VPS54: variants seen among roughly 807,000 people sequenced by gnomAD.
VPS54 encodes the protein vacuolar protein sorting-associated protein 54.
Under a neutral mutation model 121.5 loss-of-function variants are expected in VPS54, and 45 were observed. That is an observed-to-expected ratio of 0.37 (90% CI 0.29 to 0.47). VPS54 has a LOEUF of 0.47. VPS54 is among the 20% of genes least tolerant of loss of function. The probability of loss-of-function intolerance (pLI) is 0.99; values close to 1 mark genes in which losing one functional copy is unlikely to be tolerated. For synonymous variants in VPS54, 371 were observed against 385.8 expected (o/e 0.96, Z 0.45); for missense variants, 1,090 against 1,131.4 (o/e 0.96, Z 0.52).
rs1553480347 is a variant in VPS54, at chr2:63,970,212, T to TATAC, written c.458-1222_458-1221insGTAT. On this transcript the variant is annotated intron_variant, in intron 4 of 22. Transcript: ENST00000272322. Reference sequence around the variant, plus strand: ...TTCCCATTAAAAAAAAATATATATATACACACACACACACACACACACACA... The same window carrying TATAC: ...TTCCCATTAAAAAAAAATATATATATATACACACACACACACACACACACACACA... Among the ~76,000 whole-genome samples, 49 of 113,692 alleles carry TATAC rather than the reference T, an allele frequency of 4.3e-4. 2 individuals carry two copies. Among genetic ancestry groups the TATAC allele is most frequent in the African/African-American group, 9.1e-4 (29 of 32,026 alleles). The allele number at this position is 113,692 out of a possible 152,430, so 74.6% of individuals were successfully genotyped here. A position where few individuals can be genotyped will look rare whatever the true frequency, so the allele number is the denominator to read the frequency against.
At chr2:64,007,767 G>A (rs749046530) in intron 1 of VPS54, among the ~76,000 whole-genome samples, 1 of 152,104 alleles carries the variant, frequency 6.6e-6, no homozygotes, top group Non-Finnish European at 1.5e-5. Context: ...TATGTTTAGA[G>A]GAAAAGACAA....
At chr2:63,965,789 T>C in intron 6 of VPS54, 46 bp downstream of exon 6, 2 of 1,600,418 alleles carry the variant, frequency 1.2e-6, no homozygotes, top group South Asian at 1.1e-5. Context: ...ACAGTACCGC[T>C]TAACTAGAAT....
intron 12 of VPS54, among the ~76,000 whole-genome samples, chr2:63,923,808 A>G (rs1311715748): frequency 6.6e-6 from 1 of 152,256 alleles, no homozygotes; most frequent in Non-Finnish European, 1.5e-5. Flanking sequence ...GTAAGAAAAT[A>G]GGGAAAATCT....
chr2:63,901,204 C>CA (rs745716517), intron 20 of VPS54, among the ~76,000 whole-genome samples: 5 of 152,044 alleles, frequency 3.3e-5, no homozygotes, highest in African/African-American at 4.8e-5. Flanking sequence ...CTTAACAATA[C>CA]AAAAAACAGA....
intron 1 of VPS54, among the ~76,000 whole-genome samples, chr2:63,991,516 C>A (rs754230161): frequency 2.0e-5 from 3 of 152,166 alleles, no homozygotes; most frequent in Non-Finnish European, 2.9e-5. Flanking sequence ...TTTCTTGGAG[C>A]CTGCTATAAT....
intron 1 of VPS54, among the ~76,000 whole-genome samples, chr2:63,996,029 G>A (rs764143303): frequency 3.3e-5 from 5 of 152,122 alleles, no homozygotes; most frequent in South Asian, 2.1e-4. Flanking sequence ...CTGTTTAATC[G>A]GCTTGTCTTT....
At chr2:64,007,154 A>G (rs1678198522) in intron 1 of VPS54, among the ~76,000 whole-genome samples, 1 of 152,210 alleles carries the variant, frequency 6.6e-6, no homozygotes, top group Admixed American at 6.5e-5. Context: ...AAAGTCACCA[A>G]AGCATAGAAA....
At chr2:63,933,531 G>A (rs1674312134) in intron 12 of VPS54, 142 bp downstream of exon 12, 1 of 709,762 alleles carries the variant, frequency 1.4e-6, no homozygotes, top group Admixed American at 3.0e-5. Flanking sequence ...TTTTTATAGA[G>A]ATACGTTTCA....
At chr2:63,954,519 T>C (rs949015317) in intron 7 of VPS54, among the ~76,000 whole-genome samples, 3 of 152,080 alleles carry the variant, frequency 2.0e-5, no homozygotes, top group Non-Finnish European at 2.9e-5. Context: ...ATAATTGTTA[T>C]AGGGAAACAT....
chr2:63,930,412 C>G (rs892596333), intron 12 of VPS54, among the ~76,000 whole-genome samples: 5 of 151,972 alleles, frequency 3.3e-5, no homozygotes, highest in Non-Finnish European at 7.4e-5. Flanking sequence ...ATGACAAAAA[C>G]CACATGATTA....
chr2:63,905,605 G>A (rs958371219), intron 20 of VPS54, among the ~76,000 whole-genome samples: 2 of 151,418 alleles, frequency 1.3e-5, no homozygotes, highest in Non-Finnish European at 2.9e-5. Context: ...AAAACTTGGG[G>A]AAAAAATAAT....
At chr2:64,012,050 A>G (rs1678453931) in intron 1 of VPS54, among the ~76,000 whole-genome samples, 1 of 152,208 alleles carries the variant, frequency 6.6e-6, no homozygotes, top group Non-Finnish European at 1.5e-5. Flanking sequence ...TCAAACAAAC[A>G]ATAAATTAGT....
chr2:64,015,422 G>C (rs149715328), intron 1 of VPS54, among the ~76,000 whole-genome samples: 11 of 151,710 alleles, frequency 7.3e-5, no homozygotes, highest in Non-Finnish European at 1.5e-4. Flanking sequence ...ACCAAACATC[G>C]CCCACTGAGA....
intron 10 of VPS54, 71 bp downstream of exon 10, chr2:63,944,529 C>T (rs1381375158): frequency 7.8e-6 from 11 of 1,415,458 alleles, no homozygotes; most frequent in African/African-American, 7.1e-5. Context: ...AAATCTACTT[C>T]GAATTATTCT....
chr2:63,951,370 G>A (rs1675235531), intron 7 of VPS54, among the ~76,000 whole-genome samples: 1 of 152,000 alleles, frequency 6.6e-6, no homozygotes, highest in Non-Finnish European at 1.5e-5. Flanking sequence ...GTCCCATGGT[G>A]TTATTTAAGG....
At chr2:63,938,049 TGGTGTGTGTG>T (rs1024544695) in intron 11 of VPS54, among the ~76,000 whole-genome samples, 2 of 118,956 alleles carry the variant, frequency 1.7e-5, no homozygotes, top group Non-Finnish European at 3.9e-5. Flanking sequence ...TGTGTGTGTG[TGGTGTGTGTG>T]GTGTGTGTGT....
Position 63,899,581 on chromosome 2 carries a change from A to T in VPS54, c.2626T>A (p.Tyr876Asn). Reference protein sequence around the residue: ...DSLFDKLLSKYEVKAPVPSAC... With the variant: ...DSLFDKLLSKNEVKAPVPSAC... ...GAAGGAACAGGAGCCTTCACTTCAT[A>T]CTGGTAGGAAAAAATAATGAGAATT... The change falls in exon 21 of 23, where the codon TAT becomes AAT. Residue 876 changes from tyrosine to asparagine, a missense_variant and splice_region_variant. By Grantham distance (143) the Tyr-to-Asn change is moderately radical (BLOSUM62 -2). Transcript: ENST00000272322. The T allele has an allele frequency of 6.2e-7, 1 of 1,611,206 alleles. No individual in the cohort carries two copies. Among genetic ancestry groups the T allele is most frequent in the Non-Finnish European group, 8.5e-7 (1 of 1,178,472 alleles).
intron 1 of VPS54, among the ~76,000 whole-genome samples, chr2:63,993,404 A>T (rs1253528203): frequency 1.3e-5 from 2 of 152,184 alleles, no homozygotes; most frequent in African/African-American, 4.8e-5. Flanking sequence ...CCAGTTATCT[A>T]GAGTACAGCC....
chr2:63,949,184 G>C (rs370040220), intron 7 of VPS54, 21 bp from the exon 8 acceptor site: 921 of 1,596,076 alleles, frequency 5.8e-4, no homozygotes, highest in Admixed American at 6.5e-4. Flanking sequence ...AGAGAAAAAT[G>C]TTATATTTAT....
Sources: gnomAD v4.1 joint callset for allele counts (sites outside exome capture counted in the v4.1 genomes callset) on GRCh38, gnomAD v4.1.1 for gene constraint, MANE v1.5 for transcripts, NCBI Gene and HGNC (gene_info 2026-07-23, HGNC 2026-07-21) for gene names.